LAMA4: variants seen among roughly 807,000 people sequenced by gnomAD.
LAMA4 encodes the protein laminin subunit alpha 4, also known as laminin subunit alpha-4.
Under a neutral mutation model 207.1 loss-of-function variants are expected in LAMA4, and 127 were observed. The ratio of observed to expected loss-of-function variants is 0.61; its 90% CI spans 0.53 to 0.71. The LOEUF is 0.71. Among genes scored for constraint, LAMA4 ranks in the 30% least tolerant of loss-of-function variants. LAMA4 has a pLI of 0.00. For missense variants in LAMA4, 2,093 were observed against 2,246.5 expected (o/e 0.93, Z 1.38); for synonymous variants, 761 against 816.0 (o/e 0.93, Z 1.15).
At position 112,128,981 on chromosome 6, in the gene LAMA4, A is replaced by G; in HGVS notation, c.4228T>C (p.Phe1410Leu). The G allele has an allele frequency of 6.2e-7, 1 of 1,613,258 alleles. No homozygotes were observed. Among genetic ancestry groups the G allele is most frequent in the South Asian group, 1.1e-5 (1 of 91,070 alleles). ...YECPIESSPLFLLHKKGKNLS... is the reference protein window; with the variant it reads ...YECPIESSPLLLLHKKGKNLS... ...TTTTTTCCTTTTTTATGGAGGAGAAACAATGGTGAAGACTCAATGGGACAC... is the reference window on the plus strand; with the variant it reads ...TTTTTTCCTTTTTTATGGAGGAGAAGCAATGGTGAAGACTCAATGGGACAC... The change falls in exon 31 of 39, where the codon TTT (phenylalanine) becomes CTT (leucine). Residue 1410 changes from phenylalanine to leucine, a missense_variant. Transcript: ENST00000230538.
At chr6:112,126,058 C>A (rs1778669494) in intron 31 of LAMA4, among the ~76,000 whole-genome samples, 1 of 152,124 alleles carries the variant, frequency 6.6e-6, no homozygotes, top group African/African-American at 2.4e-5. Context: ...ATTACAAAGT[C>A]AAGTTTCTGT....
chr6:112,210,004 C>G (rs1583898982), intron 3 of LAMA4, among the ~76,000 whole-genome samples: 1 of 151,366 alleles, frequency 6.6e-6, no homozygotes, highest in East Asian at 1.9e-4. Flanking sequence ...TAGCACCTCC[C>G]CCTTTGTGCT....
chr6:112,191,978 C>T, intron 5 of LAMA4, 128 bp from the exon 6 acceptor site: 1 of 804,022 alleles, frequency 1.2e-6, no homozygotes, highest in East Asian at 2.7e-5. Flanking sequence ...CATTTGCACT[C>T]TCTCATCTTC....
At chr6:112,251,129 C>A (rs1262474860) in intron 2 of LAMA4, among the ~76,000 whole-genome samples, 1 of 152,210 alleles carries the variant, frequency 6.6e-6, no homozygotes, top group Non-Finnish European at 1.5e-5. Flanking sequence ...CTCCCCACAA[C>A]TAGTACGGAG....
intron 38 of LAMA4, among the ~76,000 whole-genome samples, chr6:112,109,820 G>A (rs1777597359): frequency 6.6e-6 from 1 of 152,102 alleles, no homozygotes; most frequent in Non-Finnish European, 1.5e-5. Flanking sequence ...TCTGTGTATT[G>A]TAGCTGTCTT....
intron 13 of LAMA4, among the ~76,000 whole-genome samples, chr6:112,160,850 G>A (rs1253333633): frequency 1.3e-5 from 2 of 152,154 alleles, no homozygotes; most frequent in Non-Finnish European, 2.9e-5. Flanking sequence ...TGCAGGAAAG[G>A]TAATCTTCCT....
chr6:112,137,812 T>A (rs572363225), intron 24 of LAMA4, among the ~76,000 whole-genome samples: 85 of 152,320 alleles, frequency 5.6e-4, no homozygotes, highest in African/African-American at 2.0e-3. Flanking sequence ...CTTTGTAACA[T>A]GAATTATTCT....
At position 112,114,086 on chromosome 6, in the gene LAMA4, T is replaced by A. The variant is rs1777864843; in HGVS notation, c.5316A>T (p.Gly1772=). The change falls in exon 38 of 39, where the codon GGA becomes GGT. Residue 1772 remains glycine, a synonymous_variant. Coordinates refer to ENST00000230538, the MANE Select transcript of LAMA4 (RefSeq NM_001105206.3). ...PIDHREPVFV[G]GVPESLLTPR... is the part of the protein sequence containing the mutation. ...TTAAACAACACTTACCTGGAACACC[T>A]CCAACAAACACAGGCTCCCTGTGAT... is the stretch of plus-strand genomic sequence containing the variant. The A allele has an allele frequency of 6.2e-7, 1 of 1,613,766 alleles. No homozygotes were observed. The highest frequency in any genetic ancestry group is 1.3e-5 in the African/African-American group (1 of 74,904).
chr6:112,226,745 A>C (rs1785235881), intron 2 of LAMA4, among the ~76,000 whole-genome samples: 1 of 152,222 alleles, frequency 6.6e-6, no homozygotes, highest in Admixed American at 6.5e-5. Context: ...GTGAGGGCAA[A>C]TTGTGCCAAC....
intron 4 of LAMA4, among the ~76,000 whole-genome samples, chr6:112,204,212 G>A (rs1213969396): frequency 1.3e-5 from 2 of 152,160 alleles, no homozygotes; most frequent in African/African-American, 4.8e-5. Context: ...TGTCACCAGT[G>A]ACTAGTGCAT....
intron 18 of LAMA4, among the ~76,000 whole-genome samples, chr6:112,145,176 T>A (rs1394094401): frequency 1.3e-5 from 2 of 152,202 alleles, no homozygotes; most frequent in African/African-American, 4.8e-5. Flanking sequence ...CTCCATTTGT[T>A]ATATAACCTG....
At chr6:112,205,816 C>T (rs1784025849) in intron 4 of LAMA4, among the ~76,000 whole-genome samples, 1 of 152,064 alleles carries the variant, frequency 6.6e-6, no homozygotes, top group East Asian at 1.9e-4. Flanking sequence ...CCCCCAACCT[C>T]CAGGGAGGAG....
At position 112,122,229 on chromosome 6, in the gene LAMA4, A is replaced by G. The variant is rs587749108; in HGVS notation, c.4288-28T>C. 1.9e-5 allele frequency: 30 copies of G among 1,571,176 alleles called. 1 individual carries two copies. The South Asian group carries it at 2.0e-4, about 10-fold the overall frequency. On this transcript the variant is annotated intron_variant, in intron 31 of 38. Coordinates refer to ENST00000230538, the MANE Select transcript of LAMA4 (RefSeq NM_001105206.3). ...ATAAAAGTAAACCAAATTAAGGGAT[A>G]AAAGTGACATACTAGCAGCAAAAAG...
intron 38 of LAMA4, 110 bp from the exon 39 acceptor site, chr6:112,109,692 C>G: frequency 9.0e-7 from 1 of 1,110,690 alleles, no homozygotes; most frequent in Non-Finnish European, 1.3e-6. Flanking sequence ...ATATGATTTA[C>G]ATTTCAAAAA....
chr6:112,190,944 T>TTTCCTTCCTTCCTTCC (rs1387146757), intron 6 of LAMA4, among the ~76,000 whole-genome samples: 2 of 41,654 alleles, frequency 4.8e-5, no homozygotes, highest in African/African-American at 1.9e-4. Context: ...TCTTTCTTTC[T>TTTCCTTCCTTCCTTCC]TTCCTTTCTT....
chr6:112,139,551 A>T (rs1361619363), intron 23 of LAMA4, among the ~76,000 whole-genome samples: 1 of 152,200 alleles, frequency 6.6e-6, no homozygotes, highest in Non-Finnish European at 1.5e-5. Flanking sequence ...GGCTGCAAAC[A>T]AGTTGTTTAA....
rs782285103 is a variant in LAMA4 at position 112,207,095 on chromosome 6, A to G, written c.348T>C (p.Gly116=). The G allele has an allele frequency of 1.2e-6, 2 of 1,613,956 alleles. No homozygotes were observed. Among genetic ancestry groups the G allele is most frequent in the Non-Finnish European group, 1.7e-6 (2 of 1,179,920 alleles). Residue 116 remains glycine (G), a synonymous_variant, in exon 4 of 39, where the codon GGT becomes GGC. Transcript: ENST00000230538. ...CTCCCCTGATGGAATCTCCGATATA[A>G]CCATCCAGACACTTTTCACAGTGCT... is the stretch of plus-strand genomic sequence containing the variant. The part of the protein sequence containing the change: ...TGEHCEKCLD[G]YIGDSIRGAP...
intron 2 of LAMA4, among the ~76,000 whole-genome samples, chr6:112,249,317 C>T (rs1333361096): frequency 2.0e-5 from 3 of 151,818 alleles, no homozygotes; most frequent in Admixed American, 6.6e-5. Flanking sequence ...GTGGCATGTG[C>T]CTGTAATCCC....
At chr6:112,182,993 A>G (rs551464215) in intron 9 of LAMA4, among the ~76,000 whole-genome samples, 7 of 152,344 alleles carry the variant, frequency 4.6e-5, no homozygotes, top group Non-Finnish European at 8.8e-5. Flanking sequence ...AGGACTTCCC[A>G]GTAGAAGGCT....
Sources: allele counts gnomAD v4.1 joint callset (sites outside exome capture counted in the v4.1 genomes callset), GRCh38; gene constraint gnomAD v4.1.1; transcripts MANE v1.5; gene names NCBI Gene and HGNC (gene_info 2026-07-23, HGNC 2026-07-21).